EPHA5: variants seen among roughly 807,000 people sequenced by gnomAD.
EPHA5 encodes EPH receptor A5.
A neutral mutation model predicts 105.0 loss-of-function variants in EPHA5; 60 were observed. The ratio of observed to expected loss-of-function variants is 0.57; its 90% CI spans 0.46 to 0.71. The LOEUF (loss-of-function observed/expected upper bound fraction) is 0.71. EPHA5 is among the 30% of genes least tolerant of loss of function. EPHA5 has a pLI of 0.00. For missense variants in EPHA5, 1,218 were observed against 1,274.7 expected (o/e 0.96, Z 0.68); for synonymous variants, 513 against 449.1 (o/e 1.14, Z -1.80).
intron 2 of EPHA5, among the ~76,000 whole-genome samples, chr4:65,639,866 T>C (rs939721035): frequency 2.6e-5 from 4 of 152,206 alleles, no homozygotes; most frequent in Non-Finnish European, 5.9e-5. Flanking sequence ...GTTAAGGCTG[T>C]ATTGCAAATT....
chr4:65,544,448 T>G (rs1471067407), intron 3 of EPHA5, among the ~76,000 whole-genome samples: 1 of 151,992 alleles, frequency 6.6e-6, no homozygotes, highest in South Asian at 2.1e-4. Flanking sequence ...AAAGAAGACA[T>G]TTATGTGGCC....
intron 3 of EPHA5, among the ~76,000 whole-genome samples, chr4:65,515,118 C>T (rs1733980454): frequency 6.6e-6 from 1 of 152,058 alleles, no homozygotes; most frequent in South Asian, 2.1e-4. Context: ...CCCTAAAATC[C>T]ATTTCTCCTG....
intron 5 of EPHA5, among the ~76,000 whole-genome samples, chr4:65,433,269 G>A (rs192635227): frequency 6.6e-6 from 1 of 152,050 alleles, no homozygotes; most frequent in African/African-American, 2.4e-5. Context: ...ACTTAATTTA[G>A]GTAAAATTTT....
intron 5 of EPHA5, among the ~76,000 whole-genome samples, chr4:65,426,573 G>A (rs1724458704): frequency 1.3e-5 from 2 of 152,086 alleles, no homozygotes; most frequent in African/African-American, 2.4e-5. Flanking sequence ...TATATCTCAT[G>A]TGCCTTGAAA....
intron 8 of EPHA5, among the ~76,000 whole-genome samples, chr4:65,388,518 T>C (rs2148949109): frequency 6.6e-6 from 1 of 151,816 alleles, no homozygotes; most frequent in East Asian, 2.0e-4. Context: ...TTCTAACTGT[T>C]GTGAGATGGT....
chr4:65,614,568 G>C (rs1229529860), intron 2 of EPHA5, among the ~76,000 whole-genome samples: 1 of 151,796 alleles, frequency 6.6e-6, no homozygotes, highest in Non-Finnish European at 1.5e-5. Flanking sequence ...AGATGGATTA[G>C]AGGGCTCCTG....
intron 3 of EPHA5, among the ~76,000 whole-genome samples, chr4:65,521,555 A>T (rs1248658143): frequency 6.6e-6 from 1 of 151,962 alleles, no homozygotes; most frequent in African/African-American, 2.4e-5. Flanking sequence ...TCTGTTATGT[A>T]AAAGTTTTTA....
chr4:65,554,981 CAAAAAAAAAAAAA>C (rs71205383), intron 3 of EPHA5, among the ~76,000 whole-genome samples: 54,143 of 93,522 alleles, frequency 0.58, 11,988 homozygotes, highest in Middle Eastern at 0.64. Flanking sequence ...TATACAACAG[CAAAAAAAAAAAAA>C]AAAAAAAAAA....
Position 65,320,916 on chromosome 4 carries a change from G to T in EPHA5, c.*3198C>A, listed in dbSNP as rs922523795. 1.7e-5 allele frequency: 4 copies of T among 229,940 alleles called. No individual in the cohort carries two copies. The highest frequency in any genetic ancestry group is 8.9e-5 in the African/African-American group (4 of 45,070). 14.2% of individuals were successfully genotyped at this position (229,940 alleles called of 1,614,324 possible). ...CTTACAACCTTAGAATACTGACTTG[G>T]TAATTGAAACACAAGAAATAAAAGA... On this transcript the variant is annotated 3_prime_UTR_variant, in exon 17 of 17. Coordinates refer to ENST00000613740, the MANE Select transcript of EPHA5 (RefSeq NM_001281766.3).
intron 3 of EPHA5, among the ~76,000 whole-genome samples, chr4:65,585,263 GA>G (rs999340641): frequency 4.0e-5 from 6 of 151,212 alleles, no homozygotes; most frequent in African/African-American, 1.2e-4. Flanking sequence ...TAAGGGAGGA[GA>G]AAAAAAGCAG....
chr4:65,592,757 G>A (rs897209100), intron 3 of EPHA5, among the ~76,000 whole-genome samples: 3 of 152,074 alleles, frequency 2.0e-5, no homozygotes, highest in Non-Finnish European at 4.4e-5. Context: ...AATCAACTAA[G>A]AAACATTTTA....
chr4:65,336,259 T>A, intron 14 of EPHA5, 134 bp from the exon 15 acceptor site: 1 of 518,284 alleles, frequency 1.9e-6, no homozygotes, highest in Non-Finnish European at 3.1e-6. Context: ...TTACTGTCTT[T>A]AAAATCCACG....
intron 2 of EPHA5, among the ~76,000 whole-genome samples, chr4:65,615,782 A>T (rs531188300): frequency 1.3e-5 from 2 of 152,054 alleles, no homozygotes; most frequent in Admixed American, 1.3e-4. Context: ...TTTAATAGTG[A>T]CAACAACCAA....
At chr4:65,586,046 A>T (rs925737649) in intron 3 of EPHA5, among the ~76,000 whole-genome samples, 2 of 151,722 alleles carry the variant, frequency 1.3e-5, no homozygotes, top group African/African-American at 2.4e-5. Context: ...AATAAGGAAG[A>T]GGAAGAGAGA....
intron 5 of EPHA5, among the ~76,000 whole-genome samples, chr4:65,468,002 AAG>A (rs1479553122): frequency 6.6e-6 from 1 of 152,184 alleles, no homozygotes; most frequent in Non-Finnish European, 1.5e-5. Context: ...AGAACCTCCG[AAG>A]AGAAACACAG....
chr4:65,333,754 A>C (rs1253143964), intron 15 of EPHA5, among the ~76,000 whole-genome samples: 2 of 151,200 alleles, frequency 1.3e-5, no homozygotes, highest in East Asian at 3.9e-4. Context: ...ACTTTTTAAA[A>C]ATTTTTGTTT....
intron 5 of EPHA5, among the ~76,000 whole-genome samples, chr4:65,451,467 T>C (rs1246916054): frequency 1.3e-5 from 2 of 152,130 alleles, no homozygotes; most frequent in African/African-American, 4.8e-5. Context: ...GGTTCAAAGT[T>C]ATATTTAAAA....
intron 5 of EPHA5, among the ~76,000 whole-genome samples, chr4:65,434,491 G>C (rs1010343782): frequency 6.6e-6 from 1 of 152,066 alleles, no homozygotes; most frequent in East Asian, 1.9e-4. Flanking sequence ...TATATTTTAG[G>C]TATACATATC....
rs552874285 is a variant in EPHA5, at chr4:65,647,257, A to G, written c.182-3830T>C. 7.6e-4 allele frequency among the ~76,000 whole-genome samples: 103 copies of G among 135,666 alleles called. 1 individual carries two copies. Among genetic ancestry groups the G allele is most frequent in the African/African-American group, 2.8e-3 (102 of 36,464 alleles). The allele number at this position is 135,666 out of a possible 152,430, so 89.0% of individuals were successfully genotyped here. On this transcript the variant is annotated intron_variant, in intron 1 of 16. Coordinates refer to ENST00000613740, the MANE Select transcript of EPHA5 (RefSeq NM_001281766.3). ...GGCAGGAGAATGGTGTGAACCTGGG[A>G]GGCGGAGCTTGCAGTGAGCTGAGAT... is the stretch of plus-strand genomic sequence containing the variant.
Sources: allele counts gnomAD v4.1 joint callset (sites outside exome capture counted in the v4.1 genomes callset), GRCh38; gene constraint gnomAD v4.1.1; transcripts MANE v1.5; gene names NCBI Gene and HGNC (gene_info 2026-07-23, HGNC 2026-07-21).